The following CEP164 variants were observed in gnomAD, a reference collection of about 807,000 sequenced individuals.
CEP164 encodes centrosomal protein 164, also known as centrosomal protein of 164 kDa.
In CEP164, 162 loss-of-function variants were observed where a neutral mutation model predicts 182.7. That is an observed-to-expected ratio of 0.89 (90% CI 0.78 to 1.01). The LOEUF is 1.01. Ranked by LOEUF, CEP164 falls within the 50% of genes least tolerant of loss-of-function variation. The probability of loss-of-function intolerance (pLI) is 0.00; values close to 1 mark genes in which losing one functional copy is unlikely to be tolerated. For missense variants in CEP164, 1,735 were observed against 1,790.4 expected (o/e 0.97, Z 0.56); for synonymous variants, 661 against 690.0 (o/e 0.96, Z 0.66).
intron 27 of CEP164, among the ~76,000 whole-genome samples, chr11:117,398,300 A>G (rs1215185824): frequency 1.3e-5 from 2 of 152,202 alleles, no homozygotes; most frequent in Non-Finnish European, 2.9e-5. Flanking sequence ...GGGTACAGCA[A>G]TGCAGCCAGA....
intron 25 of CEP164, 46 bp downstream of exon 25, chr11:117,396,226 T>C (rs2045444024): frequency 6.3e-7 from 1 of 1,583,488 alleles, no homozygotes; most frequent in African/African-American, 1.4e-5. Context: ...CAGGATGGTG[T>C]GGGGCATTGG....
At chr11:117,331,981 A>AGTAT (rs145023041) in intron 1 of CEP164, among the ~76,000 whole-genome samples, 10 of 142,286 alleles carry the variant, frequency 7.0e-5, no homozygotes, top group Admixed American at 2.8e-4. Flanking sequence ...ATGCCTGGCT[A>AGTAT]ATATATATAT....
chr11:117,344,994 G>A (rs2038690371), intron 4 of CEP164, among the ~76,000 whole-genome samples: 1 of 152,070 alleles, frequency 6.6e-6, no homozygotes, highest in African/African-American at 2.4e-5. Context: ...TAAAATGGAT[G>A]TTGATGTTAA....
Position 117,381,812 on chromosome 11 carries a change from A to G in CEP164, c.1521A>G (p.Ala507=). 1 of 1,556,404 alleles carries G rather than the reference A, an allele frequency of 6.4e-7. No homozygotes were observed. Among genetic ancestry groups the G allele is most frequent in the Non-Finnish European group, 8.7e-7 (1 of 1,150,018 alleles). ...AGGGGCAGCCCGAGTGGAAGGAGGC[A>G]GAGGAGCTTGGGGAGGACTCTGCAG... The part of the protein sequence containing the change: ...GPEGQPEWKE[A]EELGEDSAAS... The change falls in exon 13 of 33, where the codon GCA becomes GCG. Residue 507 remains alanine (A), a synonymous_variant. Coordinates refer to ENST00000278935, the MANE Select transcript of CEP164 (RefSeq NM_014956.5).
Position 117,339,534 on chromosome 11 carries a change from T to G in CEP164, c.82+866T>G, listed in dbSNP as rs1424902086. ...TCCTTTGTTTTTTGTTTTTTTTTTT[T>G]TTTTTTTTTTTTGAGACAGAGTCTC... On this transcript the variant is annotated intron_variant, in intron 3 of 32. Coordinates refer to ENST00000278935, the MANE Select transcript of CEP164 (RefSeq NM_014956.5). Among the ~76,000 whole-genome samples, 9 of 131,072 alleles carry G rather than the reference T, an allele frequency of 6.9e-5. No individual in the cohort carries two copies. In the South Asian group the frequency reaches 1.4e-3, roughly 20 times the overall value. The allele number at this position is 131,072 out of a possible 152,430, so 86.0% of individuals were successfully genotyped here. A position where few individuals can be genotyped will look rare whatever the true frequency, so the allele number is the denominator to read the frequency against.
intron 27 of CEP164, 101 bp from the exon 28 acceptor site, chr11:117,407,824 A>G (rs2046885034): frequency 1.1e-5 from 8 of 720,914 alleles, no homozygotes; most frequent in East Asian, 5.8e-5. Flanking sequence ...AAAGCAGACT[A>G]TAGTAATTTG....
intron 11 of CEP164, among the ~76,000 whole-genome samples, chr11:117,376,165 G>A (rs1458817225): frequency 1.3e-5 from 2 of 152,104 alleles, no homozygotes; most frequent in Non-Finnish European, 2.9e-5. Flanking sequence ...TCTGCTGCTC[G>A]CTATTGCTGG....
intron 2 of CEP164, among the ~76,000 whole-genome samples, 152 bp downstream of exon 2, chr11:117,335,832 G>A (rs2037004757): frequency 6.6e-6 from 1 of 151,854 alleles, no homozygotes; most frequent in Admixed American, 6.6e-5. Flanking sequence ...AAAGATAGAG[G>A]TTTCTAATCA....
At chr11:117,358,804 G>A (rs1272143814) in intron 5 of CEP164, among the ~76,000 whole-genome samples, 2 of 152,010 alleles carry the variant, frequency 1.3e-5, no homozygotes, top group Admixed American at 1.3e-4. Context: ...GAAAGTACTG[G>A]GGTTATAGGT....
At chr11:117,373,376 A>G (rs1053482393) in intron 9 of CEP164, among the ~76,000 whole-genome samples, 2 of 151,752 alleles carry the variant, frequency 1.3e-5, no homozygotes, top group African/African-American at 2.4e-5. Flanking sequence ...AAAAAAAAAA[A>G]GAGCTTTTAT....
intron 11 of CEP164, among the ~76,000 whole-genome samples, chr11:117,379,077 G>C (rs1429701515): frequency 1.3e-5 from 2 of 152,198 alleles, no homozygotes; most frequent in African/African-American, 4.8e-5. Flanking sequence ...AAGACAAGTT[G>C]TGAGTTGCAC....
chr11:117,388,771 C>CTT (rs5795077), intron 15 of CEP164, among the ~76,000 whole-genome samples: 4 of 142,738 alleles, frequency 2.8e-5, no homozygotes, highest in Admixed American at 2.1e-4. Context: ...AATTTTCTCT[C>CTT]TTTTTTTTTT....
At position 117,366,366 on chromosome 11, in the gene CEP164, A is replaced by C. The variant is rs533020327; in HGVS notation, c.765+2860A>C. 1.2e-4 allele frequency among the ~76,000 whole-genome samples: 18 copies of C among 152,236 alleles called. No homozygotes were observed. In the East Asian group the frequency reaches 3.1e-3, roughly 26 times the overall value. ...GAGCAGTCACTTTGCTCATGATTCCATGAGAGGGCAGTAGGATGGCAAGAA... is the reference window on the plus strand; with the variant it reads ...GAGCAGTCACTTTGCTCATGATTCCCTGAGAGGGCAGTAGGATGGCAAGAA... On this transcript the variant is annotated intron_variant, in intron 8 of 32. Coordinates refer to ENST00000278935, the MANE Select transcript of CEP164 (RefSeq NM_014956.5).
rs569004562 is a variant in CEP164, at chr11:117,382,824, T to C, written c.1606T>C (p.Cys536Arg). ...GCAGGCCCCAAGCCCACCTGCTGCC[T>C]GTGAGAAGGGCAAGGAGCAGCATTC... ...REQAPSPPAA[C>R]EKGKEQHSQA... is the part of the protein sequence containing the mutation. The change falls in exon 14 of 33, where the codon TGT becomes CGT. Residue 536 changes from cysteine (C) to arginine (R), a missense_variant. Physicochemically the swap from Cys to Arg is radical, Grantham distance 180 (BLOSUM62 -3). Coordinates refer to ENST00000278935, the MANE Select transcript of CEP164 (RefSeq NM_014956.5). The C allele has an allele frequency of 6.2e-7, 1 of 1,614,104 alleles. No homozygotes were observed. The highest frequency in any genetic ancestry group is 1.3e-5 in the African/African-American group (1 of 75,056).
chr11:117,323,937 C>A (rs766488697), upstream of CEP164: 2 of 318,992 alleles, frequency 6.3e-6, no homozygotes, highest in African/African-American at 2.2e-5. Context: ...TTTAAAAATC[C>A]GGTTATTTGG....
intron 9 of CEP164, among the ~76,000 whole-genome samples, chr11:117,373,456 C>A (rs546351932): frequency 3.7e-4 from 56 of 152,310 alleles, no homozygotes; most frequent in Admixed American, 1.2e-3. Flanking sequence ...TGCCACCTTT[C>A]TAACCGTCTC....
At chr11:117,410,795 C>T (rs1244120075) in intron 30 of CEP164, 33 bp from the exon 31 acceptor site, 1 of 1,595,592 alleles carries the variant, frequency 6.3e-7, no homozygotes, top group African/African-American at 1.3e-5. Context: ...TGACCACTGC[C>T]CATTTCTGAG....
At chr11:117,359,777 GGT>G (rs1389521931) in intron 5 of CEP164, among the ~76,000 whole-genome samples, 1 of 152,180 alleles carries the variant, frequency 6.6e-6, no homozygotes, top group Non-Finnish European at 1.5e-5. Flanking sequence ...TCCCTGTGAT[GGT>G]GGCAATTTTA....
At chr11:117,372,659 T>A (rs1241207923) in intron 9 of CEP164, among the ~76,000 whole-genome samples, 2 of 152,110 alleles carry the variant, frequency 1.3e-5, no homozygotes, top group African/African-American at 2.4e-5. Context: ...TCAGGTGATC[T>A]GCCCGCCTTG....
Sources: gnomAD v4.1 joint callset for allele counts (sites outside exome capture counted in the v4.1 genomes callset) on GRCh38, gnomAD v4.1.1 for gene constraint, MANE v1.5 for transcripts, NCBI Gene and HGNC (gene_info 2026-07-23, HGNC 2026-07-21) for gene names.